The following GOLM2 variants were observed in gnomAD, a reference collection of about 807,000 sequenced individuals.
The protein encoded by GOLM2 is golgi membrane protein 2.
A neutral mutation model predicts 55.9 loss-of-function variants in GOLM2; 26 were observed. The ratio of observed to expected loss-of-function variants is 0.47; its 90% CI spans 0.34 to 0.65. The LOEUF is 0.65. Ranked by LOEUF, GOLM2 falls within the 30% of genes least tolerant of loss-of-function variation. GOLM2 has a pLI of 0.01. For synonymous variants in GOLM2, 165 were observed against 194.6 expected (o/e 0.85, Z 1.27); for missense variants, 486 against 531.8 (o/e 0.91, Z 0.85).
intron 9 of GOLM2, among the ~76,000 whole-genome samples, chr15:44,412,199 C>T (rs2079642931): frequency 6.6e-6 from 1 of 152,014 alleles, no homozygotes; most frequent in Admixed American, 6.6e-5. Flanking sequence ...ACAAAAAAAC[C>T]TCTTCAGCAG....
At chr15:44,402,353 A>G (rs529786065) in intron 8 of GOLM2, among the ~76,000 whole-genome samples, 29 of 151,546 alleles carry the variant, frequency 1.9e-4, no homozygotes, top group African/African-American at 6.3e-4. Flanking sequence ...CACCATACCC[A>G]GTTAATTTTT....
At chr15:44,301,517 T>A (rs1189552249) in intron 1 of GOLM2, among the ~76,000 whole-genome samples, 1 of 152,164 alleles carries the variant, frequency 6.6e-6, no homozygotes, top group African/African-American at 2.4e-5. Context: ...AAGACAGATA[T>A]GGTATACATT....
intron 6 of GOLM2, among the ~76,000 whole-genome samples, chr15:44,372,711 G>A (rs941629646): frequency 2.6e-5 from 4 of 152,108 alleles, no homozygotes; most frequent in Non-Finnish European, 5.9e-5. Context: ...ACCAGATACA[G>A]TCCCAGCCCC....
intron 6 of GOLM2, among the ~76,000 whole-genome samples, chr15:44,379,475 C>T (rs1368043663): frequency 6.6e-6 from 1 of 151,484 alleles, no homozygotes; most frequent in Non-Finnish European, 1.5e-5. Flanking sequence ...AAGACTCTGT[C>T]CCCCCACCAA....
chr15:44,393,146 T>C (rs1005920841), intron 8 of GOLM2, among the ~76,000 whole-genome samples: 4 of 152,150 alleles, frequency 2.6e-5, no homozygotes, highest in African/African-American at 9.6e-5. Flanking sequence ...CTCAAAACAA[T>C]TTATAAACAA....
At chr15:44,398,232 A>G (rs2079540334) in intron 8 of GOLM2, among the ~76,000 whole-genome samples, 2 of 152,262 alleles carry the variant, frequency 1.3e-5, no homozygotes, top group South Asian at 4.1e-4. Context: ...CACACGTACT[A>G]TCACTTCCTA....
intron 9 of GOLM2, among the ~76,000 whole-genome samples, chr15:44,408,707 G>A (rs957437682): frequency 3.3e-5 from 5 of 152,140 alleles, no homozygotes; most frequent in East Asian, 1.9e-4. Context: ...GGCCAGGCGC[G>A]GTGGTTCACT....
rs374873953 is a variant in GOLM2 at position 44,338,218 on chromosome 15, C to A, written c.722-19C>A. On this transcript the variant is annotated intron_variant, in intron 5 of 9. Coordinates refer to ENST00000299957, the MANE Select transcript of GOLM2 (RefSeq NM_138423.4). ...TGTAAGAAAAACGATAGAATTCTAT[C>A]TTTTTGTTACTTGGGCAGAACAAAT... 24 of 1,601,216 alleles carry A rather than the reference C, an allele frequency of 1.5e-5. No homozygotes were observed. Among genetic ancestry groups the A allele is most frequent in the African/African-American group, 4.0e-5 (3 of 74,380 alleles).
intron 8 of GOLM2, among the ~76,000 whole-genome samples, chr15:44,400,463 A>G (rs1037423842): frequency 2.2e-4 from 33 of 149,092 alleles, no homozygotes; most frequent in African/African-American, 7.5e-4. Context: ...GATTACAGGC[A>G]TGCGCCACCA....
intron 1 of GOLM2, among the ~76,000 whole-genome samples, chr15:44,292,200 TA>T (rs34217674): frequency 0.089 from 12,485 of 140,986 alleles, 1,136 homozygotes; most frequent in African/African-American, 0.26. Flanking sequence ...TATATATATA[TA>T]TTTTTTTTTT....
chr15:44,369,581 T>C (rs948116887), intron 6 of GOLM2, among the ~76,000 whole-genome samples: 13 of 151,692 alleles, frequency 8.6e-5, no homozygotes, highest in African/African-American at 3.2e-4. Flanking sequence ...CCCAGCACTT[T>C]GGAAGGCCAA....
chr15:44,338,439 T>A, intron 6 of GOLM2, 122 bp downstream of exon 6: 1 of 703,736 alleles, frequency 1.4e-6, no homozygotes, highest in Non-Finnish European at 2.3e-6. Flanking sequence ...TATTTCTACT[T>A]AATTAAGTAC....
rs138642294 is a variant in GOLM2, at chr15:44,401,542, G to T, written c.1073-1345G>T. Among the ~76,000 whole-genome samples, 522 of 152,184 alleles carry T rather than the reference G, an allele frequency of 3.4e-3. 3 individuals are homozygous for T. The highest frequency in any genetic ancestry group is 0.012 in the African/African-American group (491 of 41,504). On this transcript the variant is annotated intron_variant, in intron 8 of 9. Transcript: ENST00000299957. Reference sequence around the variant, plus strand: ...ACTGCTATGACAGGCATATGCCACTGCACCCAGCCTGCAATATAAATTTTT... The same window carrying T: ...ACTGCTATGACAGGCATATGCCACTTCACCCAGCCTGCAATATAAATTTTT...
chr15:44,376,952 G>A (rs887403716), intron 6 of GOLM2, among the ~76,000 whole-genome samples: 1 of 152,078 alleles, frequency 6.6e-6, no homozygotes, highest in African/African-American at 2.4e-5. Flanking sequence ...AACAAAAAAA[G>A]GAAAGTAAAC....
intron 9 of GOLM2, among the ~76,000 whole-genome samples, chr15:44,412,958 G>A (rs868054504): frequency 6.7e-6 from 1 of 150,362 alleles, no homozygotes; most frequent in Non-Finnish European, 1.5e-5. Context: ...AGCCAAGATC[G>A]CACCACTGCA....
chr15:44,304,680 A>T (rs1430200837), intron 1 of GOLM2, among the ~76,000 whole-genome samples: 1 of 152,126 alleles, frequency 6.6e-6, no homozygotes, highest in African/African-American at 2.4e-5. Flanking sequence ...CAGCCTCCTG[A>T]GTAGCTGGGC....
In GOLM2 at chr15:44,300,712, T is replaced by A. The variant is rs371300330; in HGVS notation, c.327+11356T>A. Among the ~76,000 whole-genome samples the A allele has an allele frequency of 5.8e-4, 89 of 152,336 alleles. 1 individual carries two copies. Among genetic ancestry groups the A allele is most frequent in the African/African-American group, 2.1e-3 (88 of 41,576 alleles). On this transcript the variant is annotated intron_variant, in intron 1 of 9. Coordinates refer to ENST00000299957, the MANE Select transcript of GOLM2 (RefSeq NM_138423.4). Reference sequence around the variant, plus strand: ...AGGAACTAGTCCTTACAATTTTTGGTTGAAGACCTTAAAGTTCCCCATGTT... The same window carrying A: ...AGGAACTAGTCCTTACAATTTTTGGATGAAGACCTTAAAGTTCCCCATGTT...
At chr15:44,391,495 C>T (rs543634825) in intron 8 of GOLM2, among the ~76,000 whole-genome samples, 10 of 147,112 alleles carry the variant, frequency 6.8e-5, no homozygotes, top group East Asian at 2.0e-4. Flanking sequence ...CCAGCCTGGG[C>T]GACAAAGTGA....
intron 6 of GOLM2, among the ~76,000 whole-genome samples, chr15:44,360,321 A>G (rs1334147843): frequency 6.6e-6 from 1 of 152,226 alleles, no homozygotes; most frequent in East Asian, 1.9e-4. Context: ...TCACATGCAG[A>G]GACACACATA....
Sources: allele counts gnomAD v4.1 joint callset (sites outside exome capture counted in the v4.1 genomes callset), GRCh38; gene constraint gnomAD v4.1.1; transcripts MANE v1.5; gene names NCBI Gene and HGNC (gene_info 2026-07-23, HGNC 2026-07-21).